The following ARHGEF28 variants were observed in gnomAD, a reference collection of about 807,000 sequenced individuals.
ARHGEF28 encodes the protein 190 kDa guanine nucleotide exchange factor.
Under a neutral mutation model 206.6 loss-of-function variants are expected in ARHGEF28, and 152 were observed. The ratio of observed to expected loss-of-function variants is 0.74; its 90% CI spans 0.64 to 0.84. The LOEUF is 0.84. Ranked by LOEUF, ARHGEF28 falls within the 40% of genes least tolerant of loss-of-function variation. The probability of loss-of-function intolerance (pLI) is 0.00; values close to 1 mark genes in which losing one functional copy is unlikely to be tolerated. For missense variants in ARHGEF28, 2,028 were observed against 2,073.2 expected, an observed-to-expected ratio of 0.98 and a Z score of 0.42; for synonymous variants, 763 against 776.4, an observed-to-expected ratio of 0.98 and a Z score of 0.29.
Position 73,746,413 on chromosome 5 carries a change from A to G in ARHGEF28, c.34-3424A>G, listed in dbSNP as rs1260367166. Among the ~76,000 whole-genome samples, 4 of 152,084 alleles carry G rather than the reference A, an allele frequency of 2.6e-5. No individual in the cohort carries two copies. In the East Asian group the frequency reaches 7.7e-4, roughly 29 times the overall value. ...GAAGAGAAGAAACCACACAGTATGT[A>G]TTAATGTATTATGCCATGAGTATAG... On this transcript the variant is annotated intron_variant, in intron 2 of 35. Coordinates refer to ENST00000513042, the MANE Select transcript of ARHGEF28 (RefSeq NM_001177693.2).
At position 73,901,316 on chromosome 5, in the gene ARHGEF28, G is replaced by A. The variant is rs750158057; in HGVS notation, c.4074+32G>A. ...TGAACTGATTTGTTAGTAAACGGCA[G>A]CGGTTACTGTGTATAATAAAATAGC... is the stretch of plus-strand genomic sequence containing the variant. On this transcript the variant is annotated intron_variant, in intron 31 of 35. Coordinates refer to ENST00000513042, the MANE Select transcript of ARHGEF28 (RefSeq NM_001177693.2). The A allele has an allele frequency of 1.6e-5, 25 of 1,566,198 alleles. No homozygotes were observed. In the African/African-American group the frequency reaches 1.6e-4, roughly 10 times the overall value.
chr5:73,879,416 C>T (rs1760759372), intron 22 of ARHGEF28, among the ~76,000 whole-genome samples: 1 of 152,208 alleles, frequency 6.6e-6, no homozygotes, highest in Non-Finnish European at 1.5e-5. Flanking sequence ...GAGCCTTCTT[C>T]TCTCAACTCG....
At chr5:73,922,603 T>TTA (rs1763578619) in intron 35 of ARHGEF28, among the ~76,000 whole-genome samples, 1 of 152,224 alleles carries the variant, frequency 6.6e-6, no homozygotes, top group Non-Finnish European at 1.5e-5. Context: ...TATTAAACAT[T>TTA]CTTAAAATTA....
intron 16 of ARHGEF28, among the ~76,000 whole-genome samples, chr5:73,859,383 CAGA>C (rs1759249172): frequency 6.6e-6 from 1 of 152,190 alleles, no homozygotes; most frequent in African/African-American, 2.4e-5. Flanking sequence ...ACAAAGGGAA[CAGA>C]GGAGCAGGGG....
intron 22 of ARHGEF28, among the ~76,000 whole-genome samples, chr5:73,880,569 G>A (rs1057309655): frequency 6.6e-6 from 1 of 152,178 alleles, no homozygotes; most frequent in Non-Finnish European, 1.5e-5. Context: ...CGGCCATCTT[G>A]TAGTTTCAAG....
At chr5:73,690,853 T>A (rs1043944012) in intron 2 of ARHGEF28, among the ~76,000 whole-genome samples, 13 of 152,208 alleles carry the variant, frequency 8.5e-5, no homozygotes, top group African/African-American at 2.7e-4. Flanking sequence ...TTATTTAAAA[T>A]GATTAAATAA....
intron 35 of ARHGEF28, 132 bp from the exon 36 acceptor site, chr5:73,940,712 A>T (rs1284566769): frequency 1.5e-6 from 1 of 682,790 alleles, no homozygotes; most frequent in Admixed American, 4.1e-5. Context: ...TTCCTTTCTC[A>T]TTGGGCTTGG....
chr5:73,675,772 T>C (rs1207193645), intron 1 of ARHGEF28, among the ~76,000 whole-genome samples: 1 of 150,012 alleles, frequency 6.7e-6, no homozygotes, highest in Non-Finnish European at 1.5e-5. Flanking sequence ...AGCATATTTA[T>C]AAAGTTTATA....
chr5:73,904,808 T>C (rs1762459555), intron 33 of ARHGEF28: 1 of 181,142 alleles, frequency 5.5e-6, no homozygotes. Flanking sequence ...TATGTTGCTT[T>C]ACTCTTTTGT....
intron 9 of ARHGEF28, among the ~76,000 whole-genome samples, chr5:73,803,022 T>C (rs1755236767): frequency 6.6e-6 from 1 of 151,598 alleles, no homozygotes; most frequent in South Asian, 2.1e-4. Flanking sequence ...GCAGCACAAG[T>C]TCTAACAATT....
intron 11 of ARHGEF28, among the ~76,000 whole-genome samples, chr5:73,842,940 T>C (rs567582592): frequency 2.7e-5 from 4 of 147,446 alleles, no homozygotes; most frequent in Non-Finnish European, 5.9e-5. Context: ...TGAGCAGAGA[T>C]GGCACTACTG....
intron 18 of ARHGEF28, among the ~76,000 whole-genome samples, chr5:73,867,259 T>G (rs1300539587): frequency 6.6e-6 from 1 of 152,178 alleles, no homozygotes; most frequent in African/African-American, 2.4e-5. Flanking sequence ...GACCGAAATG[T>G]CTTCTGAGTC....
rs532218949 is a variant in ARHGEF28 at position 73,748,953 on chromosome 5, C to T, written c.34-884C>T. On this transcript the variant is annotated intron_variant, in intron 2 of 35. Transcript: ENST00000513042. ...TGCAACACGGCTGCTGTAGCCCCTC[C>T]GCAAAGCCTCAGGATGATGAAATAC... is the stretch of plus-strand genomic sequence containing the variant. 1.2e-4 allele frequency among the ~76,000 whole-genome samples: 19 copies of T among 152,290 alleles called. No individual in the cohort carries two copies. In the South Asian group the frequency reaches 1.9e-3, roughly 15 times the overall value.
In ARHGEF28 at chr5:73,658,666, T is replaced by A. The variant is rs1172893841; in HGVS notation, c.-11-26175T>A. Among the ~76,000 whole-genome samples the A allele has an allele frequency of 2.0e-5, 3 of 152,066 alleles. No individual in the cohort carries two copies. The East Asian group carries it at 5.8e-4, about 29-fold the overall frequency. Reference sequence around the variant, plus strand: ...ACTGAAAGCACCACTGTGGTTCTTTTAAAAAAAATATTGCAGTTAGGTGTA... The same window carrying A: ...ACTGAAAGCACCACTGTGGTTCTTTAAAAAAAAATATTGCAGTTAGGTGTA... On this transcript the variant is annotated intron_variant, in intron 1 of 35. Transcript: ENST00000513042.
rs374646785 is a variant in ARHGEF28 at position 73,652,089 on chromosome 5, G to T, written c.-12+25767G>T. On this transcript the variant is annotated intron_variant, in intron 1 of 35. Transcript: ENST00000513042. Reference sequence around the variant, plus strand: ...AAGTTTTGGGGTTGCAAAGAGGTTTGAGAACTGCCAGTCCATGTTCTCCTT... The same window carrying T: ...AAGTTTTGGGGTTGCAAAGAGGTTTTAGAACTGCCAGTCCATGTTCTCCTT... 7.3e-5 allele frequency among the ~76,000 whole-genome samples: 11 copies of T among 150,814 alleles called. No homozygotes were observed. In the South Asian group the frequency reaches 2.3e-3, roughly 32 times the overall value.
chr5:73,868,265 G>T, intron 20 of ARHGEF28, 38 bp downstream of exon 20: 1 of 1,523,542 alleles, frequency 6.6e-7, no homozygotes. Context: ...TTGTGTTTTT[G>T]TTAGCATTTG....
chr5:73,893,149 T>C (rs1761748676), intron 27 of ARHGEF28, 48 bp from the exon 28 acceptor site: 2 of 1,422,824 alleles, frequency 1.4e-6, no homozygotes, highest in Admixed American at 2.4e-5. Flanking sequence ...AATCTACAGA[T>C]ACTTGCATTT....
At chr5:73,681,991 A>G (rs1323545866) in intron 1 of ARHGEF28, among the ~76,000 whole-genome samples, 1 of 152,168 alleles carries the variant, frequency 6.6e-6, no homozygotes, top group African/African-American at 2.4e-5. Context: ...GGCTGAAGCA[A>G]GAGGATTGCT....
chr5:73,866,522 A>G (rs745971925), intron 18 of ARHGEF28, among the ~76,000 whole-genome samples: 2 of 152,180 alleles, frequency 1.3e-5, no homozygotes, highest in Non-Finnish European at 2.9e-5. Context: ...TCTGTTGTCC[A>G]TTATTATAAT....
Sources: allele counts gnomAD v4.1 joint callset (sites outside exome capture counted in the v4.1 genomes callset), GRCh38; gene constraint gnomAD v4.1.1; transcripts MANE v1.5; gene names NCBI Gene and HGNC (gene_info 2026-07-23, HGNC 2026-07-21).